ZNF407: variants seen among roughly 807,000 people sequenced by gnomAD.
ZNF407 encodes zinc finger protein 407.
A neutral mutation model predicts 131.2 loss-of-function variants in ZNF407; 17 were observed. The observed-to-expected ratio is 0.13, with a 90% CI of 0.09 to 0.19. The LOEUF (loss-of-function observed/expected upper bound fraction) is 0.19. Ranked by LOEUF, ZNF407 falls within the 10% of genes least tolerant of loss-of-function variation. The pLI is 1.00. For missense variants in ZNF407, 2,681 were observed against 2,830.6 expected, an observed-to-expected ratio of 0.95 and a Z score of 1.20; for synonymous variants, 1,156 against 1,062.0, an observed-to-expected ratio of 1.09 and a Z score of -1.72.
In ZNF407 at chr18:75,063,592, C is replaced by T. The variant is rs770261618; in HGVS notation, c.5871C>T (p.Leu1957=). The T allele has an allele frequency of 9.5e-6, 15 of 1,570,924 alleles. No individual in the cohort carries two copies. Among genetic ancestry groups the T allele is most frequent in the South Asian group, 8.1e-5 (7 of 86,036 alleles). The change falls in exon 9 of 9, where the codon CTC becomes CTT. Residue 1957 remains leucine, a synonymous_variant. Transcript: ENST00000299687. This position sits in a 1 kb window ranked among gnomAD's most constrained non-coding sequence, Gnocchi z 6.6. Reference sequence around the variant, plus strand: ...AAGGCCACGGCATGGATGAGTCCCTCAGTCCAGGTGGCGCTGTGATACAAC... The same window carrying T: ...AAGGCCACGGCATGGATGAGTCCCTTAGTCCAGGTGGCGCTGTGATACAAC... ...SMEGHGMDES[L]SPGGAVIQQV...
At chr18:74,655,172 G>C (rs1985397917) in intron 3 of ZNF407, among the ~76,000 whole-genome samples, 2 of 151,844 alleles carry the variant, frequency 1.3e-5, no homozygotes, top group Admixed American at 1.3e-4. Flanking sequence ...TATTCTGTAA[G>C]TTACTGCATC....
At chr18:74,640,061 G>T (rs1375655250) in intron 2 of ZNF407, among the ~76,000 whole-genome samples, 1 of 152,018 alleles carries the variant, frequency 6.6e-6, no homozygotes, top group South Asian at 2.1e-4. Context: ...ATCAGGAAAC[G>T]TACTGATTTT....
chr18:74,675,884 A>G (rs1165190162), intron 3 of ZNF407, among the ~76,000 whole-genome samples: 1 of 152,186 alleles, frequency 6.6e-6, no homozygotes, highest in African/African-American at 2.4e-5. Flanking sequence ...TCAAACCTAT[A>G]GACGTTTAAA....
intron 8 of ZNF407, among the ~76,000 whole-genome samples, chr18:74,976,648 T>C (rs1349185267): frequency 6.6e-6 from 1 of 152,256 alleles, no homozygotes; most frequent in Non-Finnish European, 1.5e-5. Context: ...TGTAGATGTC[T>C]GCCGAGTATG....
At chr18:74,940,140 A>G (rs12455152) in intron 8 of ZNF407, among the ~76,000 whole-genome samples, 19,363 of 152,242 alleles carry the variant, frequency 0.13, 1,509 homozygotes, top group Admixed American at 0.25. Context: ...GACTTGCTCC[A>G]TGTAGGGATC....
intron 3 of ZNF407, among the ~76,000 whole-genome samples, chr18:74,704,324 G>A (rs201094596): frequency 6.6e-6 from 1 of 152,098 alleles, no homozygotes; most frequent in East Asian, 1.9e-4. Flanking sequence ...CAACAACTAG[G>A]GATCTCTTTT....
chr18:74,696,618 ATGTG>A (rs369910424), intron 3 of ZNF407, among the ~76,000 whole-genome samples: 1 of 151,464 alleles, frequency 6.6e-6, no homozygotes, highest in African/African-American at 2.4e-5. Flanking sequence ...TAGGGTTATA[ATGTG>A]TGTGTGTGTG....
intron 1 of ZNF407, among the ~76,000 whole-genome samples, chr18:74,610,350 A>G (rs957057939): frequency 6.6e-6 from 1 of 152,090 alleles, no homozygotes; most frequent in African/African-American, 2.4e-5. Flanking sequence ...TTTTCTCTAC[A>G]GTTCATGGTG....
chr18:74,851,637 T>C (rs1206349986), intron 4 of ZNF407, among the ~76,000 whole-genome samples: 3 of 152,150 alleles, frequency 2.0e-5, no homozygotes, highest in Non-Finnish European at 2.9e-5. Context: ...TCATCAATTA[T>C]CTACTGAACA....
intron 3 of ZNF407, among the ~76,000 whole-genome samples, chr18:74,713,356 A>ATTT (rs1967812311): frequency 8.6e-6 from 1 of 116,256 alleles, no homozygotes; most frequent in African/African-American, 3.2e-5. Context: ...ACATTTTAGC[A>ATTT]TCTTTTTTTT....
Position 74,635,613 on chromosome 18 carries a change from G to A in ZNF407, c.4594G>A (p.Glu1532Lys), listed in dbSNP as rs778911333. 1.9e-6 allele frequency: 3 copies of A among 1,613,738 alleles called. No individual in the cohort carries two copies. The highest frequency in any genetic ancestry group is 2.5e-6 in the Non-Finnish European group (3 of 1,179,798). ...EDTEQINRER[E>K]ENQGNVCKYC... ...CACTGAGCAAATCAACCGCGAGAGG[G>A]AGGAAAACCAGGGAAACGTCTGCAA... Residue 1532 changes from glutamate to lysine, a missense_variant, in exon 2 of 9, where the codon GAG (glutamate) becomes AAG (lysine). This residue lies in a region of ZNF407 where 213 missense variants were observed against 332.2 expected (regional missense o/e 0.64). Transcript: ENST00000299687. This position sits in a 1 kb window ranked among gnomAD's most constrained non-coding sequence, Gnocchi z 4.7.
At chr18:74,835,621 CAG>C (rs1970544276) in intron 4 of ZNF407, among the ~76,000 whole-genome samples, 1 of 108,616 alleles carries the variant, frequency 9.2e-6, no homozygotes, top group Admixed American at 1.1e-4. Context: ...GTGTCTTGGA[CAG>C]AGGGGGGTGT....
At chr18:75,001,989 C>A (rs1972850418) in intron 8 of ZNF407, among the ~76,000 whole-genome samples, 1 of 152,138 alleles carries the variant, frequency 6.6e-6, no homozygotes, top group African/African-American at 2.4e-5. Context: ...GCCCCCATAC[C>A]AGAGTCACCC....
chr18:74,823,429 G>A (rs1408961632), intron 4 of ZNF407, among the ~76,000 whole-genome samples: 2 of 152,178 alleles, frequency 1.3e-5, no homozygotes, highest in Non-Finnish European at 2.9e-5. Flanking sequence ...GTTGGATGCA[G>A]AGTCAAGACC....
intron 3 of ZNF407, among the ~76,000 whole-genome samples, chr18:74,775,301 C>T (rs1008880799): frequency 2.6e-5 from 4 of 152,086 alleles, no homozygotes; most frequent in South Asian, 2.1e-4. Context: ...CTGCTCAGGT[C>T]GGAACAGTAT....
intron 8 of ZNF407, among the ~76,000 whole-genome samples, chr18:75,060,706 C>T (rs968874170): frequency 1.3e-5 from 2 of 151,622 alleles, no homozygotes; most frequent in Non-Finnish European, 2.9e-5. Flanking sequence ...GGGGTTTCAC[C>T]GTGTTAGCCA....
At chr18:74,630,194 G>C (rs1270419270) in intron 1 of ZNF407, among the ~76,000 whole-genome samples, 18 of 137,688 alleles carry the variant, frequency 1.3e-4, no homozygotes, top group African/African-American at 5.0e-4. Flanking sequence ...TTTTTGAGAC[G>C]GAGTCTCGCT....
At chr18:74,886,327 T>A (rs1279765622) in intron 6 of ZNF407, among the ~76,000 whole-genome samples, 3 of 152,176 alleles carry the variant, frequency 2.0e-5, no homozygotes, top group African/African-American at 4.8e-5. Context: ...CTCAAACAAC[T>A]TTGTGAAACA....
chr18:74,617,177 T>TCCACACACATCCATATCCACGCA, intron 1 of ZNF407, among the ~76,000 whole-genome samples: 1 of 152,252 alleles, frequency 6.6e-6, no homozygotes, highest in Middle Eastern at 3.4e-3. Context: ...CACATCCATA[T>TCCACACACATCCATATCCACGCA]CCACACACAT....
Sources: allele counts gnomAD v4.1 joint callset (sites outside exome capture counted in the v4.1 genomes callset), GRCh38; gene constraint gnomAD v4.1.1; regional missense constraint gnomAD v4.1.1; non-coding constraint Gnocchi (gnomAD v3.1); transcripts MANE v1.5; gene names NCBI Gene and HGNC (gene_info 2026-07-23, HGNC 2026-07-21).